The following CACNA2D3 variants were observed in gnomAD, a reference collection of about 807,000 sequenced individuals.
CACNA2D3 encodes the protein voltage-dependent calcium channel subunit alpha-2/delta-3.
CACNA2D3 carries 60 observed loss-of-function variants against 160.6 expected under a neutral mutation model. The observed-to-expected ratio is 0.37, with a 90% CI of 0.30 to 0.46. CACNA2D3 has a LOEUF of 0.46. CACNA2D3 is among the 20% of genes least tolerant of loss of function. The pLI is 1.00. For synonymous variants in CACNA2D3, 558 were observed against 492.9 expected (o/e 1.13, Z -1.75); for missense variants, 1,205 against 1,365.0 (o/e 0.88, Z 1.85).
At chr3:54,652,783 C>CTTTTTT (rs11428424) in intron 11 of CACNA2D3, among the ~76,000 whole-genome samples, 1 of 118,278 alleles carries the variant, frequency 8.5e-6, no homozygotes, top group Admixed American at 9.3e-5. Context: ...CCATGGGAGG[C>CTTTTTT]TTTTTTTTTT....
rs559515376 is a variant in CACNA2D3, at chr3:54,432,766, C to T, written c.381+45992C>T. On this transcript the variant is annotated intron_variant, in intron 4 of 37. Transcript: ENST00000474759. Reference sequence around the variant, plus strand: ...TAATTTTAAGAAAGCCTACTGGATTCAGTGTATTTTAATTAAAATACAAAA... The same window carrying T: ...TAATTTTAAGAAAGCCTACTGGATTTAGTGTATTTTAATTAAAATACAAAA... Among the ~76,000 whole-genome samples the T allele has an allele frequency of 1.2e-4, 18 of 152,228 alleles. No homozygotes were observed. The South Asian group carries it at 3.7e-3, about 32-fold the overall frequency.
chr3:54,832,385 T>C (rs990764031), intron 14 of CACNA2D3, among the ~76,000 whole-genome samples: 1 of 152,154 alleles, frequency 6.6e-6, no homozygotes. Flanking sequence ...ACCTTGTGGT[T>C]GGACGGGGTG....
intron 31 of CACNA2D3, among the ~76,000 whole-genome samples, chr3:54,990,328 C>G (rs916201141): frequency 6.6e-6 from 1 of 152,138 alleles, no homozygotes; most frequent in Non-Finnish European, 1.5e-5. Context: ...GTCAGGAGTT[C>G]AAGACCAGCC....
intron 32 of CACNA2D3, among the ~76,000 whole-genome samples, chr3:55,005,089 A>G (rs1041165062): frequency 1.3e-5 from 2 of 152,078 alleles, no homozygotes; most frequent in African/African-American, 2.4e-5. Flanking sequence ...CAGCCTGGCC[A>G]ACATGGTGAA....
At chr3:54,784,116 GA>G (rs1208905807) in intron 13 of CACNA2D3, among the ~76,000 whole-genome samples, 5 of 152,206 alleles carry the variant, frequency 3.3e-5, no homozygotes, top group Non-Finnish European at 5.9e-5. Flanking sequence ...TGTCCACTGT[GA>G]AGGGTAGTCA....
intron 12 of CACNA2D3, among the ~76,000 whole-genome samples, chr3:54,753,495 C>T (rs73074113): frequency 0.055 from 8,352 of 152,266 alleles, 307 homozygotes; most frequent in South Asian, 0.11. Flanking sequence ...CTTCATCAGC[C>T]TGGGTCCCTG....
intron 5 of CACNA2D3, among the ~76,000 whole-genome samples, chr3:54,525,974 T>C (rs1701717378): frequency 6.6e-6 from 1 of 152,096 alleles, no homozygotes; most frequent in Non-Finnish European, 1.5e-5. Context: ...ATCACCCATA[T>C]GTTGGTGAAT....
intron 29 of CACNA2D3, among the ~76,000 whole-genome samples, chr3:54,981,841 C>T (rs1007024610): frequency 6.6e-6 from 1 of 152,230 alleles, no homozygotes; most frequent in Non-Finnish European, 1.5e-5. Context: ...TTAATCCAAC[C>T]TCTGACCAGG....
intron 2 of CACNA2D3, among the ~76,000 whole-genome samples, chr3:54,182,150 T>C (rs983742676): frequency 4.6e-5 from 7 of 152,230 alleles, no homozygotes; most frequent in African/African-American, 1.2e-4. Flanking sequence ...CTAGGACTTA[T>C]GAAAAATGAC....
At chr3:54,728,653 A>C (rs1216111078) in intron 11 of CACNA2D3, among the ~76,000 whole-genome samples, 1 of 152,170 alleles carries the variant, frequency 6.6e-6, no homozygotes, top group Non-Finnish European at 1.5e-5. Context: ...GGATGTTCTT[A>C]TCTTCCTCTT....
At position 54,885,347 on chromosome 3, in the gene CACNA2D3, C is replaced by G. The variant is rs751279981; in HGVS notation, c.1958+21C>G. ...GAATGGTAAGAATTAAACCATCCCT[C>G]CTTGACCATGGCATCCTTCATTGCC... On this transcript the variant is annotated intron_variant, in intron 22 of 37. Coordinates refer to ENST00000474759, the MANE Select transcript of CACNA2D3 (RefSeq NM_018398.3). 3.1e-6 allele frequency: 5 copies of G among 1,613,692 alleles called. No homozygotes were observed. The African/African-American group carries it at 6.7e-5, about 22-fold the overall frequency.
chr3:54,545,453 T>C (rs1419474160), intron 5 of CACNA2D3, among the ~76,000 whole-genome samples: 1 of 152,242 alleles, frequency 6.6e-6, no homozygotes, highest in African/African-American at 2.4e-5. Context: ...TTAGTAGCAG[T>C]AACATTTTCC....
At chr3:54,278,514 C>A (rs1702795423) in intron 2 of CACNA2D3, among the ~76,000 whole-genome samples, 1 of 152,160 alleles carries the variant, frequency 6.6e-6, no homozygotes, top group Non-Finnish European at 1.5e-5. Context: ...ATAAATCATT[C>A]TACTGTAAAG....
chr3:54,268,164 GC>G (rs760490244), intron 2 of CACNA2D3, among the ~76,000 whole-genome samples: 2 of 152,154 alleles, frequency 1.3e-5, no homozygotes, highest in Non-Finnish European at 2.9e-5. Context: ...TAAAGAAGCA[GC>G]TCATATGACA....
intron 2 of CACNA2D3, among the ~76,000 whole-genome samples, chr3:54,123,908 G>A (rs1699532224): frequency 6.6e-6 from 1 of 152,150 alleles, no homozygotes; most frequent in South Asian, 2.1e-4. Context: ...CAGAGCAGAT[G>A]CTCCTCGGGC....
chr3:54,567,510 TTTGTTTG>T (rs368006357), intron 6 of CACNA2D3, among the ~76,000 whole-genome samples: 22,302 of 99,526 alleles, frequency 0.22, 1,978 homozygotes, highest in South Asian at 0.34. Flanking sequence ...GAGGTGGTTT[TTTGTTTG>T]TTGTTTGTTG....
At chr3:54,500,833 A>T (rs1408086926) in intron 4 of CACNA2D3, among the ~76,000 whole-genome samples, 1 of 152,206 alleles carries the variant, frequency 6.6e-6, no homozygotes, top group Non-Finnish European at 1.5e-5. Flanking sequence ...CTTATAACTG[A>T]GTGTCTTGGC....
chr3:54,914,896 A>G (rs1265640717), intron 27 of CACNA2D3, among the ~76,000 whole-genome samples: 2 of 152,206 alleles, frequency 1.3e-5, no homozygotes, highest in Non-Finnish European at 2.9e-5. Context: ...ATAGAAAGTT[A>G]TAGGTTTCTA....
intron 4 of CACNA2D3, among the ~76,000 whole-genome samples, chr3:54,471,857 G>T (rs1700737614): frequency 6.6e-6 from 1 of 152,138 alleles, no homozygotes; most frequent in Non-Finnish European, 1.5e-5. Flanking sequence ...CCAGGAAGAA[G>T]TCGAATCCCT....
Sources: gnomAD v4.1 joint callset for allele counts (sites outside exome capture counted in the v4.1 genomes callset) on GRCh38, gnomAD v4.1.1 for gene constraint, MANE v1.5 for transcripts, NCBI Gene and HGNC (gene_info 2026-07-23, HGNC 2026-07-21) for gene names.